Variants in PIEZO2 observed in about 807,000 individuals in gnomAD.
The protein encoded by PIEZO2 is piezo-type mechanosensitive ion channel component 2.
A neutral mutation model predicts 337.3 loss-of-function variants in PIEZO2; 172 were observed. The observed-to-expected ratio is 0.51, with a 90% confidence interval of 0.45 to 0.58. PIEZO2 has a LOEUF of 0.58. PIEZO2 is among the 20% of genes least tolerant of loss of function. PIEZO2 has a pLI of 0.00. For missense variants in PIEZO2, 3,028 were observed against 3,391.3 expected (o/e 0.89, Z 2.66); for synonymous variants, 1,251 against 1,228.5 (o/e 1.02, Z -0.38).
At chr18:10,684,197 G>A (rs1375199888) in intron 49 of PIEZO2, among the ~76,000 whole-genome samples, 3 of 98,652 alleles carry the variant, frequency 3.0e-5, no homozygotes, top group African/African-American at 8.4e-5. Context: ...ACGGAGTCTT[G>A]CTCTGTCGCC....
chr18:10,831,543 G>A (rs1444853086), intron 7 of PIEZO2, among the ~76,000 whole-genome samples: 1 of 152,050 alleles, frequency 6.6e-6, no homozygotes, highest in Non-Finnish European at 1.5e-5. Flanking sequence ...AGTGGGGTGG[G>A]GAAAATATTA....
chr18:10,762,525 G>C lies in PIEZO2; in HGVS notation c.3224C>G (p.Ser1075Cys). 6.5e-7 allele frequency: 1 copy of C among 1,537,294 alleles called. No individual in the cohort carries two copies. The highest frequency in any genetic ancestry group is 8.7e-7 in the Non-Finnish European group (1 of 1,146,928). ...DPTEWVGLRK[S>C]SPLLVYLRNN... ...CCTCAGGTAGACTAGCAGAGGCGAA[G>C]ACTTCCGCAGGCCGACCCACTCTGT... The change falls in exon 23 of 56, where the codon TCT becomes TGT. Residue 1075 changes from serine to cysteine, a missense_variant. Around this residue, in one of 5 missense-constraint regions of PIEZO2, gnomAD observed 1,925 missense variants for 2,051.9 expected, o/e 0.94. Coordinates refer to ENST00000674853, the MANE Select transcript of PIEZO2 (RefSeq NM_001378183.1).
At chr18:10,704,009 C>A (rs1448226309) in intron 42 of PIEZO2, among the ~76,000 whole-genome samples, 1 of 152,180 alleles carries the variant, frequency 6.6e-6, no homozygotes, top group Non-Finnish European at 1.5e-5. Flanking sequence ...CTCGACTCTG[C>A]AGAAGCCTGT....
chr18:10,860,511 G>A (rs762510976), intron 5 of PIEZO2, among the ~76,000 whole-genome samples: 5 of 151,986 alleles, frequency 3.3e-5, no homozygotes, highest in African/African-American at 7.3e-5. Context: ...CAGAGCTATC[G>A]CCAGGACACC....
intron 7 of PIEZO2, among the ~76,000 whole-genome samples, chr18:10,825,604 G>A (rs2040650417): frequency 7.3e-6 from 1 of 137,464 alleles, no homozygotes; most frequent in African/African-American, 2.8e-5. Context: ...AGGCTGGAGT[G>A]CAGTGGCACA....
chr18:10,846,224 G>A lies in PIEZO2; in HGVS notation c.917+9129C>T, dbSNP rs559842279. The stretch of plus-strand genomic sequence containing the variant: ...TCACAATCATGGCAGAAGGCAAGGA[G>A]GAGCAAGTCACATCTTACACAGATG... On this transcript the variant is annotated intron_variant, in intron 7 of 55. Transcript: ENST00000674853. This position sits in a 1 kb window ranked among gnomAD's most constrained non-coding sequence, Gnocchi z 4.1. 2.3e-4 allele frequency among the ~76,000 whole-genome samples: 35 copies of A among 152,304 alleles called. No homozygotes were observed. The highest frequency in any genetic ancestry group is 3.8e-4 in the Non-Finnish European group (26 of 68,034).
intron 5 of PIEZO2, among the ~76,000 whole-genome samples, chr18:10,869,775 T>C (rs1423165040): frequency 1.3e-5 from 2 of 152,240 alleles, no homozygotes; most frequent in African/African-American, 2.4e-5. Context: ...GACTTTACTA[T>C]AATTACTGTT....
intron 10 of PIEZO2, 45 bp from the exon 11 acceptor site, chr18:10,800,520 G>A: frequency 2.0e-6 from 3 of 1,486,872 alleles, no homozygotes; most frequent in Non-Finnish European, 2.7e-6. Flanking sequence ...AGCAGCTCTG[G>A]GTTTTCAATG....
At chr18:10,919,558 C>CA (rs1219061329) in intron 3 of PIEZO2, among the ~76,000 whole-genome samples, 2 of 152,120 alleles carry the variant, frequency 1.3e-5, no homozygotes, top group African/African-American at 4.8e-5. Flanking sequence ...CACACCTACT[C>CA]ACTCTTTGTA....
At position 10,673,822 on chromosome 18, in the gene PIEZO2, T is replaced by C. The variant is rs2033880597; in HGVS notation, c.8162-949A>G. On this transcript the variant is annotated intron_variant, in intron 54 of 55. Coordinates refer to ENST00000674853, the MANE Select transcript of PIEZO2 (RefSeq NM_001378183.1). The surrounding 1 kb of genome is among the most constrained non-coding windows in gnomAD (Gnocchi z 4.8). Reference sequence around the variant, plus strand: ...TCCTAGATCACAGGTGTCCAATCTTTTGGGTTCGCTGGGCCACATTGGAAG... The same window carrying C: ...TCCTAGATCACAGGTGTCCAATCTTCTGGGTTCGCTGGGCCACATTGGAAG... 6.6e-6 allele frequency among the ~76,000 whole-genome samples: 1 copy of C among 152,184 alleles called. No homozygotes were observed. Among genetic ancestry groups the C allele is most frequent in the Non-Finnish European group, 1.5e-5 (1 of 68,026 alleles).
chr18:10,704,243 T>C, intron 42 of PIEZO2, 151 bp downstream of exon 42: 1 of 1,069,588 alleles, frequency 9.3e-7, no homozygotes, highest in South Asian at 1.7e-5. Flanking sequence ...ACGATTTGTG[T>C]ATCTAAGAAT....
chr18:11,066,176 G>A lies in PIEZO2; in HGVS notation c.111C>T (p.Tyr37=). The A allele has an allele frequency of 6.5e-7, 1 of 1,537,092 alleles. No homozygotes were observed. The highest frequency in any genetic ancestry group is 1.2e-5 in the South Asian group (1 of 84,054). Residue 37 remains tyrosine (Y), a synonymous_variant, in exon 2 of 56, where the codon TAC becomes TAT. Transcript: ENST00000674853. The stretch of plus-strand genomic sequence containing the variant: ...CTGAGAACAGAGGAATGAGCAAGAG[G>A]TAGATAAGGTAGACAAAGGAGAGCC... The part of the protein sequence containing the change: ...YNGLSFVYLI[Y]LLLIPLFSEP...
At chr18:10,798,337 G>T (rs1322334486) in intron 11 of PIEZO2, among the ~76,000 whole-genome samples, 1 of 152,220 alleles carries the variant, frequency 6.6e-6, no homozygotes, top group Non-Finnish European at 1.5e-5. Flanking sequence ...AAGTTTCTTA[G>T]CAGCATAAAG....
At position 10,705,684 on chromosome 18, in the gene PIEZO2, A is replaced by G. The variant is rs1265478454; in HGVS notation, c.5651T>C (p.Val1884Ala). The G allele has an allele frequency of 6.5e-7, 1 of 1,527,354 alleles. No homozygotes were observed. Among genetic ancestry groups the G allele is most frequent in the African/African-American group, 1.4e-5 (1 of 70,566 alleles). 94.6% of individuals were successfully genotyped at this position (1,527,354 alleles called of 1,614,324 possible). The part of the protein sequence containing the change: ...RQGTTETIEE[V>A]EAEQEEEAGS... ...TGCCTCCTCCTCCTGCTCAGCCTCC[A>G]CCTCCTCGATGGTCTCAGTGGTCCC... Residue 1884 changes from valine (V) to alanine (A), a missense_variant, in exon 41 of 56, where the codon GTG (valine) becomes GCG (alanine). Physicochemically the swap from Val to Ala is moderately conservative, Grantham distance 64. Coordinates refer to ENST00000674853, the MANE Select transcript of PIEZO2 (RefSeq NM_001378183.1).
rs1261969818 is a variant in PIEZO2 at position 10,705,440 on chromosome 18, G to A, written c.5895C>T (p.Asn1965=). Residue 1965 remains asparagine (N), a synonymous_variant, in exon 41 of 56, where the codon AAC becomes AAT. Coordinates refer to ENST00000674853, the MANE Select transcript of PIEZO2 (RefSeq NM_001378183.1). ...FGSQDDSAGK[N]RMAVSPDDSR... ...TGTCGTCCGGGCTGACTGCCATACG[G>A]TTCTTGCCTGCAGAGTCGTCCTGCG... The A allele has an allele frequency of 7.2e-6, 11 of 1,537,244 alleles. No homozygotes were observed. The highest frequency in any genetic ancestry group is 1.7e-4 in the Middle Eastern group (1 of 5,990).
Position 10,888,243 on chromosome 18 carries a change from T to C in PIEZO2, c.330-16828A>G, listed in dbSNP as rs1275108879. ...TGTGGATGCATGAACTTCTCTTTTA[T>C]TAGATAGACTGTATTTGAAACTACA... On this transcript the variant is annotated intron_variant, in intron 4 of 55. Transcript: ENST00000674853. The surrounding 1 kb of genome is among the most constrained non-coding windows in gnomAD (Gnocchi z 4.1). Among the ~76,000 whole-genome samples, 1 of 152,214 alleles carries C rather than the reference T, an allele frequency of 6.6e-6. No homozygotes were observed. The highest frequency in any genetic ancestry group is 1.5e-5 in the Non-Finnish European group (1 of 68,036).
intron 5 of PIEZO2, among the ~76,000 whole-genome samples, chr18:10,866,320 C>G (rs2042004327): frequency 6.7e-6 from 1 of 149,122 alleles, no homozygotes; most frequent in African/African-American, 2.5e-5. Flanking sequence ...GAGTCCCACT[C>G]TGTCACCCAG....
chr18:10,937,448 C>T (rs901228880), intron 3 of PIEZO2, among the ~76,000 whole-genome samples: 11 of 152,132 alleles, frequency 7.2e-5, no homozygotes. Flanking sequence ...GGTCCATGTT[C>T]ATCCTGTGGC....
At chr18:11,012,070 C>CA (rs2035926692) in intron 2 of PIEZO2, among the ~76,000 whole-genome samples, 3 of 142,632 alleles carry the variant, frequency 2.1e-5, no homozygotes, top group Non-Finnish European at 3.0e-5. Flanking sequence ...TTTGCAAAAG[C>CA]GAAAAAAAAA....
Sources: gnomAD v4.1 joint callset for allele counts (sites outside exome capture counted in the v4.1 genomes callset) on GRCh38, gnomAD v4.1.1 for gene constraint, gnomAD v4.1.1 regional missense constraint, Gnocchi (gnomAD v3.1) non-coding constraint, MANE v1.5 for transcripts, NCBI Gene and HGNC (gene_info 2026-07-23, HGNC 2026-07-21) for gene names.